Variants in GRXCR2 observed in about 807,000 individuals in gnomAD.
GRXCR2 encodes the protein glutaredoxin domain-containing cysteine-rich protein 2.
In GRXCR2, 23 loss-of-function variants were observed where a neutral mutation model predicts 24.8. The ratio of observed to expected loss-of-function variants is 0.93; its 90% CI spans 0.67 to 1.32. GRXCR2 has a LOEUF of 1.32. GRXCR2 is among the 40% of genes most tolerant of loss of function. The pLI is 0.00. For synonymous variants in GRXCR2, 130 were observed against 116.1 expected (o/e 1.12, Z -0.77); for missense variants, 315 against 303.4 (o/e 1.04, Z -0.28).
At chr5:145,918,620 C>A (rs1239247916) in intron 2 of GRXCR2, among the ~76,000 whole-genome samples, 2 of 152,192 alleles carry the variant, frequency 1.3e-5, no homozygotes, top group African/African-American at 4.8e-5. Context: ...ATGCCCAGCA[C>A]TGTGCTGCAA....
At chr5:145,875,287 C>A (rs1038069469), upstream of GRXCR2, among the ~76,000 whole-genome samples, 1 of 152,136 alleles carries the variant, frequency 6.6e-6, no homozygotes, top group Non-Finnish European at 1.5e-5. Context: ...CGGTGGCTCA[C>A]GCCTGTAATC....
chr5:145,904,904 C>T (rs1479645795), intron 2 of GRXCR2, among the ~76,000 whole-genome samples: 1 of 152,116 alleles, frequency 6.6e-6, no homozygotes, highest in African/African-American at 2.4e-5. Flanking sequence ...GTTCTTCTCC[C>T]CTCCGTGGCT....
chr5:145,869,461 T>C (rs1232086741), intron 1 of GRXCR2, among the ~76,000 whole-genome samples: 1 of 152,210 alleles, frequency 6.6e-6, no homozygotes, highest in Non-Finnish European at 1.5e-5. Flanking sequence ...AACATTTCTT[T>C]GATAAGAACC....
intron 2 of GRXCR2, among the ~76,000 whole-genome samples, chr5:145,914,375 T>TAA (rs11372413): frequency 2.6e-5 from 4 of 151,282 alleles, no homozygotes; most frequent in Non-Finnish European, 4.4e-5. Flanking sequence ...TAAGAAGATT[T>TAA]AAAAAAAATA....
At chr5:145,905,669 G>T (rs914586517) in intron 2 of GRXCR2, among the ~76,000 whole-genome samples, 1 of 152,158 alleles carries the variant, frequency 6.6e-6, no homozygotes, top group Non-Finnish European at 1.5e-5. Flanking sequence ...GCATGGACGG[G>T]GTAGGAGAGG....
chr5:145,911,143 G>A (rs1757160546), intron 2 of GRXCR2, among the ~76,000 whole-genome samples: 2 of 152,110 alleles, frequency 1.3e-5, no homozygotes, highest in Admixed American at 6.6e-5. Context: ...GGTATATGTT[G>A]TGTACTGATC....
chr5:145,897,239 GTTGT>G (rs1282763282), intron 2 of GRXCR2, among the ~76,000 whole-genome samples: 10 of 123,006 alleles, frequency 8.1e-5, no homozygotes, highest in Non-Finnish European at 1.2e-4. Flanking sequence ...TAACAAACCT[GTTGT>G]TTGTTACATA....
Position 145,923,620 on chromosome 5 carries a change from T to C in GRXCR2, c.-70+12081A>G, listed in dbSNP as rs557676042. 9.2e-5 allele frequency among the ~76,000 whole-genome samples: 14 copies of C among 152,324 alleles called. No homozygotes were observed. The South Asian group carries it at 2.9e-3, about 32-fold the overall frequency. ...TAGTTGCTTAATATGAGGCATGCTC[T>C]CAAGGTTGTCACAGTCCCACTCACT... On this transcript the variant is annotated intron_variant, in intron 2 of 3. Coordinates refer to the GRXCR2 transcript ENST00000639411.
chr5:145,905,550 T>C lies in GRXCR2; in HGVS notation c.-70+30151A>G, dbSNP rs400669. On this transcript the variant is annotated intron_variant, in intron 2 of 3. Coordinates refer to the GRXCR2 transcript ENST00000639411. ...AGAATTTAGAGTCCAATAGAGGAAATTGGTATTTACATATATAACATTAAA... is the reference window on the plus strand; with the variant it reads ...AGAATTTAGAGTCCAATAGAGGAAACTGGTATTTACATATATAACATTAAA... 6.4e-3 allele frequency among the ~76,000 whole-genome samples: 981 copies of C among 152,242 alleles called. 10 individuals are homozygous for C. The highest frequency in any genetic ancestry group is 0.022 in the African/African-American group (929 of 41,502).
At chr5:145,876,868 A>G (rs1581336377), upstream of GRXCR2, among the ~76,000 whole-genome samples, 2 of 152,322 alleles carry the variant, frequency 1.3e-5, no homozygotes, top group Middle Eastern at 3.4e-3. Context: ...CAGTATTATC[A>G]AAAGCCTTAA....
chr5:145,862,137 G>A (rs998099289), intron 2 of GRXCR2, among the ~76,000 whole-genome samples: 1 of 152,140 alleles, frequency 6.6e-6, no homozygotes, highest in African/African-American at 2.4e-5. Context: ...CTTCATCCCA[G>A]TGAGATTTTA....
intron 1 of GRXCR2, among the ~76,000 whole-genome samples, chr5:145,867,084 T>C (rs1756450779): frequency 6.6e-6 from 1 of 152,224 alleles, no homozygotes; most frequent in Non-Finnish European, 1.5e-5. Flanking sequence ...CTTTTTCATT[T>C]TATATAAATA....
At chr5:145,881,194 A>C (rs1268222270) in intron 2 of GRXCR2, among the ~76,000 whole-genome samples, 5 of 152,232 alleles carry the variant, frequency 3.3e-5, no homozygotes, top group Admixed American at 2.6e-4. Context: ...ATCAGACAAG[A>C]GAAAGAAATA....
chr5:145,864,811 C>A (rs1179621801), intron 2 of GRXCR2, among the ~76,000 whole-genome samples: 1 of 152,084 alleles, frequency 6.6e-6, no homozygotes, highest in Non-Finnish European at 1.5e-5. Flanking sequence ...CGGACTAATA[C>A]AGTGACAAAG....
At chr5:145,896,849 G>C (rs1439633116) in intron 2 of GRXCR2, among the ~76,000 whole-genome samples, 2 of 152,032 alleles carry the variant, frequency 1.3e-5, no homozygotes, top group African/African-American at 2.4e-5. Context: ...GTTTATTGCG[G>C]CACTATTCAC....
chr5:145,869,766 C>T (rs574400788), intron 1 of GRXCR2, among the ~76,000 whole-genome samples: 4 of 152,158 alleles, frequency 2.6e-5, no homozygotes, highest in Non-Finnish European at 5.9e-5. Context: ...ACCATGTTAG[C>T]CAGGATGGTC....
intron 2 of GRXCR2, among the ~76,000 whole-genome samples, chr5:145,884,032 G>A (rs1484968690): frequency 6.6e-6 from 1 of 152,172 alleles, no homozygotes; most frequent in Non-Finnish European, 1.5e-5. Flanking sequence ...CTGATGTGAT[G>A]CTTCATTTAC....
intron 2 of GRXCR2, among the ~76,000 whole-genome samples, chr5:145,929,320 ATC>A (rs889608055): frequency 2.6e-5 from 4 of 151,296 alleles, no homozygotes; most frequent in African/African-American, 9.7e-5. Flanking sequence ...TTGGATACAT[ATC>A]TGTTATGTTA....
At chr5:145,915,494 G>A (rs770454992) in intron 2 of GRXCR2, among the ~76,000 whole-genome samples, 13 of 152,026 alleles carry the variant, frequency 8.6e-5, no homozygotes, top group East Asian at 3.9e-4. Flanking sequence ...GGTTACAAAC[G>A]TAGGCTCAGG....
Sources: allele counts gnomAD v4.1 joint callset (sites outside exome capture counted in the v4.1 genomes callset), GRCh38; gene constraint gnomAD v4.1.1; transcripts MANE v1.5; gene names NCBI Gene and HGNC (gene_info 2026-07-23, HGNC 2026-07-21).